ABCD3: variants seen among roughly 807,000 people sequenced by gnomAD.
ABCD3 encodes ATP binding cassette subfamily D member 3.
ABCD3 carries 41 observed loss-of-function variants against 105.5 expected under a neutral mutation model. The observed-to-expected ratio is 0.39, with a 90% CI of 0.30 to 0.50. The LOEUF (loss-of-function observed/expected upper bound fraction) is 0.50, where lower values mean the gene tolerates loss of function less well. ABCD3 is among the 20% of genes least tolerant of loss of function. ABCD3 has a pLI of 0.84. For synonymous variants in ABCD3, 258 were observed against 269.0 expected, an observed-to-expected ratio of 0.96 and a Z score of 0.40; for missense variants, 622 against 806.3, an observed-to-expected ratio of 0.77 and a Z score of 2.77.
rs936132725 is a variant in ABCD3, at chr1:94,499,722, G to T, written c.1740+108G>T. ...ATTTTTTTATTCAGCAGCTGTTTCAGTATGGATTAGTTTAAATTATCATAA... is the reference window on the plus strand; with the variant it reads ...ATTTTTTTATTCAGCAGCTGTTTCATTATGGATTAGTTTAAATTATCATAA... On this transcript the variant is annotated intron_variant, in intron 20 of 22. Transcript: ENST00000370214. 110 of 1,349,936 alleles carry T rather than the reference G, an allele frequency of 8.1e-5. No homozygotes were observed. The Middle Eastern group carries it at 9.2e-4, about 11-fold the overall frequency. The allele number at this position is 1,349,936 out of a possible 1,614,324, so 83.6% of individuals were successfully genotyped here.
intron 1 of ABCD3, among the ~76,000 whole-genome samples, chr1:94,432,307 C>T (rs1363931080): frequency 6.6e-6 from 1 of 152,056 alleles, no homozygotes; most frequent in Non-Finnish European, 1.5e-5. Flanking sequence ...CTGGTTGTTA[C>T]CTGGGAGGGT....
At chr1:94,504,118 G>A (rs190236795) in intron 20 of ABCD3, among the ~76,000 whole-genome samples, 38 of 151,854 alleles carry the variant, frequency 2.5e-4, no homozygotes, top group Non-Finnish European at 5.0e-4. Context: ...TCACTATGTT[G>A]GCCAGGCTTG....
intron 8 of ABCD3, among the ~76,000 whole-genome samples, chr1:94,479,892 A>G (rs530083214): frequency 3.3e-5 from 5 of 152,226 alleles, no homozygotes; most frequent in African/African-American, 1.2e-4. Flanking sequence ...TTATTAATAC[A>G]TAGTACAGCA....
At chr1:94,457,313 AAAT>A (rs1647624344) in intron 1 of ABCD3, among the ~76,000 whole-genome samples, 1 of 152,220 alleles carries the variant, frequency 6.6e-6, no homozygotes, top group Admixed American at 6.5e-5. Flanking sequence ...CTGAAATTAG[AAAT>A]AATAATAATC....
intron 21 of ABCD3, among the ~76,000 whole-genome samples, chr1:94,511,338 G>C (rs1029119374): frequency 8.5e-5 from 13 of 152,148 alleles, no homozygotes; most frequent in Non-Finnish European, 1.6e-4. Context: ...CTTCTGGCTT[G>C]TAGGGTTTCT....
chr1:94,490,291 A>G (rs1338633730), intron 15 of ABCD3, among the ~76,000 whole-genome samples: 1 of 152,008 alleles, frequency 6.6e-6, no homozygotes, highest in Non-Finnish European at 1.5e-5. Flanking sequence ...TTTCAGGTAT[A>G]CAATATAGTA....
At chr1:94,454,358 T>G (rs1157042245) in intron 1 of ABCD3, among the ~76,000 whole-genome samples, 2 of 152,122 alleles carry the variant, frequency 1.3e-5, no homozygotes. Flanking sequence ...GATCACTGAT[T>G]TAGGGCTTAT....
the ABCD3 span, among the ~76,000 whole-genome samples, chr1:94,403,781 T>A: frequency 1.3e-5 from 2 of 152,184 alleles, no homozygotes; most frequent in Non-Finnish European, 2.9e-5. Context: ...ATCAACTTTT[T>A]AATTTTCTGA....
At chr1:94,435,640 A>G (rs565231312) in intron 1 of ABCD3, among the ~76,000 whole-genome samples, 125 of 152,350 alleles carry the variant, frequency 8.2e-4, no homozygotes, top group Admixed American at 6.5e-3. Context: ...ATATGGTGAT[A>G]TTTGAATTCT....
chr1:94,392,678 G>A, the ABCD3 span, among the ~76,000 whole-genome samples: 2 of 152,290 alleles, frequency 1.3e-5, no homozygotes, highest in African/African-American at 4.8e-5. Flanking sequence ...GAAGAGGGTA[G>A]TTCTCTCAGA....
intron 4 of ABCD3, among the ~76,000 whole-genome samples, chr1:94,471,957 G>C (rs1395872975): frequency 6.6e-6 from 1 of 152,026 alleles, no homozygotes; most frequent in Admixed American, 6.6e-5. Flanking sequence ...CCTCTTTAAG[G>C]TAGAAACTAT....
At chr1:94,451,213 A>G (rs183367552) in intron 1 of ABCD3, among the ~76,000 whole-genome samples, 2 of 152,318 alleles carry the variant, frequency 1.3e-5, no homozygotes, top group East Asian at 3.9e-4. Context: ...ATTGTTTTAT[A>G]GGATGACTCT....
chr1:94,445,465 T>C (rs1660311058), intron 1 of ABCD3, among the ~76,000 whole-genome samples: 1 of 152,152 alleles, frequency 6.6e-6, no homozygotes, highest in Non-Finnish European at 1.5e-5. Context: ...AAGTGTGGGC[T>C]CTGGTTCGTT....
chr1:94,416,872 A>C (rs909227181), upstream of ABCD3, among the ~76,000 whole-genome samples: 1 of 152,228 alleles, frequency 6.6e-6, no homozygotes, highest in Non-Finnish European at 1.5e-5. Context: ...GGCCAAGAAG[A>C]ATCTAGACAG....
upstream of ABCD3, among the ~76,000 whole-genome samples, chr1:94,418,008 C>T (rs913742394): frequency 3.9e-5 from 6 of 152,240 alleles, no homozygotes; most frequent in African/African-American, 4.8e-5. Flanking sequence ...TCCTGGGCTC[C>T]TTTAAGAGGG....
At chr1:94,473,912 T>A in intron 5 of ABCD3, 77 bp downstream of exon 5, 1 of 1,129,200 alleles carries the variant, frequency 8.9e-7, no homozygotes, top group Non-Finnish European at 1.3e-6. Context: ...TTTTACTTAT[T>A]AAATTCTTTA....
At chr1:94,397,804 G>A in the ABCD3 span, among the ~76,000 whole-genome samples, 1 of 152,198 alleles carries the variant, frequency 6.6e-6, no homozygotes, top group East Asian at 1.9e-4. Context: ...AAGAATTTTT[G>A]GACAGACATT....
chr1:94,494,250 A>G (rs1649690217), intron 16 of ABCD3, among the ~76,000 whole-genome samples: 2 of 152,168 alleles, frequency 1.3e-5, no homozygotes, highest in South Asian at 4.1e-4. Flanking sequence ...TCATTTGGAA[A>G]GTCTTGAGTC....
intron 1 of ABCD3, among the ~76,000 whole-genome samples, chr1:94,432,828 T>C (rs963254681): frequency 1.3e-4 from 20 of 151,440 alleles, no homozygotes; most frequent in Admixed American, 3.3e-4. Context: ...GGAGATGTCT[T>C]CTGAGAAATG....
Sources: gnomAD v4.1 joint callset for allele counts (sites outside exome capture counted in the v4.1 genomes callset) on GRCh38, gnomAD v4.1.1 for gene constraint, MANE v1.5 for transcripts, NCBI Gene and HGNC (gene_info 2026-07-23, HGNC 2026-07-21) for gene names.